The following TASOR2 variants were observed in gnomAD, a reference collection of about 807,000 sequenced individuals.
TASOR2 encodes transcription activation suppressor family member 2.
In TASOR2, 84 loss-of-function variants were observed where a neutral mutation model predicts 199.5. The observed-to-expected ratio is 0.42, with a 90% CI of 0.35 to 0.50. The LOEUF is 0.50. TASOR2 is among the 20% of genes least tolerant of loss of function. The probability of loss-of-function intolerance (pLI) is 0.02; values close to 1 mark genes in which losing one functional copy is unlikely to be tolerated. For missense variants in TASOR2, 2,796 were observed against 2,835.9 expected (o/e 0.99, Z 0.32); for synonymous variants, 1,103 against 1,046.6 (o/e 1.05, Z -1.04).
rs957207011 is a variant in TASOR2 at position 5,754,815 on chromosome 10, G to C, written c.6607-1798G>C. Among the ~76,000 whole-genome samples, 2 of 150,960 alleles carry C rather than the reference G, an allele frequency of 1.3e-5. No individual in the cohort carries two copies. The highest frequency in any genetic ancestry group is 1.3e-4 in the Admixed American group (2 of 15,184). The stretch of plus-strand genomic sequence containing the variant: ...TCCCAGCACTTTGGGAGGCCGAGGT[G>C]GGCGGATCACAAGGTCAGGAGATTG... On this transcript the variant is annotated intron_variant, in intron 15 of 20. Coordinates refer to ENST00000328090, the Ensembl canonical transcript of TASOR2. This position sits in a 1 kb window ranked among gnomAD's most constrained non-coding sequence, Gnocchi z 4.3.
rs1838100827 is a variant in TASOR2 at position 5,751,972 on chromosome 10, C to G, written c.6606+1945C>G. ...ACTCTGTTTATCCTCAGTGTTTTGA[C>G]TTATTGTCCCTCCCAAGTCCCCCTC... On this transcript the variant is annotated intron_variant, in intron 15 of 20. Transcript: ENST00000328090. The surrounding 1 kb of genome is among the most constrained non-coding windows in gnomAD (Gnocchi z 5.3). 6.6e-6 allele frequency among the ~76,000 whole-genome samples: 1 copy of G among 152,060 alleles called. No individual in the cohort carries two copies. The highest frequency in any genetic ancestry group is 1.9e-4 in the East Asian group (1 of 5,188).
chr10:5,712,900 G>C, exon 2 of TASOR2: 1 of 1,230,338 alleles, frequency 8.1e-7, no homozygotes, highest in Non-Finnish European at 1.0e-6. Flanking sequence ...GGTTTCTTCT[G>C]TTTGATACTG....
At chr10:5,693,420 G>A (rs1177276078) in intron 1 of TASOR2, among the ~76,000 whole-genome samples, 2 of 152,166 alleles carry the variant, frequency 1.3e-5, no homozygotes, top group Non-Finnish European at 1.5e-5. Context: ...ACTCGTATGT[G>A]GCAAGAAATT....
intron 1 of TASOR2, chr10:5,712,237 C>A: frequency 2.3e-6 from 1 of 438,480 alleles, no homozygotes; most frequent in Non-Finnish European, 3.7e-6. Flanking sequence ...ATTTTCTTTA[C>A]ATCAGAGGTC....
At chr10:5,734,023 C>T (rs1265666932) in intron 11 of TASOR2, among the ~76,000 whole-genome samples, 2 of 152,198 alleles carry the variant, frequency 1.3e-5, no homozygotes, top group Non-Finnish European at 2.9e-5. Context: ...TTTTCTCCTA[C>T]ATTTCACTAA....
At chr10:5,718,034 G>A (rs1466358045) in intron 3 of TASOR2, among the ~76,000 whole-genome samples, 1 of 152,126 alleles carries the variant, frequency 6.6e-6, no homozygotes, top group East Asian at 1.9e-4. Context: ...GAGAAAACAA[G>A]TAGCTGCTTA....
In TASOR2 at chr10:5,699,074, A is replaced by G. The variant is rs373753999; in HGVS notation, c.-287-13749A>G. 1.3e-5 allele frequency among the ~76,000 whole-genome samples: 2 copies of G among 152,372 alleles called. No homozygotes were observed. Among genetic ancestry groups the G allele is most frequent in the East Asian group, 3.8e-4 (2 of 5,196 alleles). On this transcript the variant is annotated intron_variant, in intron 1 of 20. Coordinates refer to ENST00000328090, the Ensembl canonical transcript of TASOR2. This position sits in a 1 kb window ranked among gnomAD's most constrained non-coding sequence, Gnocchi z 4.1. ...TTCATAATAGCCAAAATGTAGAAAC[A>G]ACCCAAATGTGCATCAGTTGATGGA...
chr10:5,717,087 G>T (rs1472197686), intron 2 of TASOR2, among the ~76,000 whole-genome samples: 1 of 149,460 alleles, frequency 6.7e-6, no homozygotes, highest in East Asian at 2.0e-4. Context: ...TTTCATTGCT[G>T]ATGTTTGAGA....
chr10:5,760,317 T>A (rs889896875), intron 18 of TASOR2, among the ~76,000 whole-genome samples: 4 of 152,228 alleles, frequency 2.6e-5, no homozygotes, highest in Non-Finnish European at 5.9e-5. Flanking sequence ...ATGTGGTACA[T>A]GCCCGTACTC....
chr10:5,723,432 TTGTC>T (rs1272838905), intron 6 of TASOR2, among the ~76,000 whole-genome samples: 4 of 152,120 alleles, frequency 2.6e-5, no homozygotes, highest in Non-Finnish European at 5.9e-5. Flanking sequence ...TCTAGATACT[TTGTC>T]TGTACTGAAA....
chr10:5,713,755 C>T (rs1190472584), intron 2 of TASOR2: 2 of 153,858 alleles, frequency 1.3e-5, no homozygotes, highest in African/African-American at 4.8e-5. Context: ...TACCTGTGAC[C>T]CTGCTTAGTT....
At position 5,738,842 on chromosome 10, in the gene TASOR2, A is replaced by T. The variant is rs1039795018; in HGVS notation, c.1448-776A>T. On this transcript the variant is annotated intron_variant, in intron 12 of 20. Transcript: ENST00000328090. This position sits in a 1 kb window ranked among gnomAD's most constrained non-coding sequence, Gnocchi z 4.7. ...AAGGAATAATGAATACGTTGAAAAT[A>T]CCAAGGGAAACCACTGGCAAATGTA... 6.6e-6 allele frequency among the ~76,000 whole-genome samples: 1 copy of T among 152,208 alleles called. No individual in the cohort carries two copies. The highest frequency in any genetic ancestry group is 2.1e-4 in the South Asian group (1 of 4,830).
chr10:5,736,646 A>G (rs1338402930), intron 12 of TASOR2, among the ~76,000 whole-genome samples: 1 of 152,214 alleles, frequency 6.6e-6, no homozygotes, highest in East Asian at 1.9e-4. Context: ...GTTTAGTCAC[A>G]TGAACTGCTC....
chr10:5,707,429 G>A (rs993510731), intron 1 of TASOR2, among the ~76,000 whole-genome samples: 2 of 152,108 alleles, frequency 1.3e-5, no homozygotes, highest in Admixed American at 6.5e-5. Flanking sequence ...TATGTTGGCT[G>A]CCATCTTGGT....
At position 5,762,941 on chromosome 10, in the gene TASOR2, C is replaced by T. The variant is rs191798227; in HGVS notation, c.7290-88C>T. 24 of 1,228,018 alleles carry T rather than the reference C, an allele frequency of 2.0e-5. 1 individual carries two copies. The South Asian group carries it at 2.8e-4, about 14-fold the overall frequency. 76.1% of individuals were successfully genotyped at this position (1,228,018 alleles called of 1,614,324 possible). On this transcript the variant is annotated intron_variant, in intron 20 of 20. Transcript: ENST00000328090. Reference sequence around the variant, plus strand: ...ATAATGTAACCTTAGAATGCATAGGCGTTTTCCCCATTAGAGCATCCCGCT... The same window carrying T: ...ATAATGTAACCTTAGAATGCATAGGTGTTTTCCCCATTAGAGCATCCCGCT...
In TASOR2 at chr10:5,752,611, C is replaced by T. The variant is rs374690158; in HGVS notation, c.6606+2584C>T. Among the ~76,000 whole-genome samples, 5 of 152,340 alleles carry T rather than the reference C, an allele frequency of 3.3e-5. No individual in the cohort carries two copies. Among genetic ancestry groups the T allele is most frequent in the African/African-American group, 9.6e-5 (4 of 41,576 alleles). On this transcript the variant is annotated intron_variant, in intron 15 of 20. Coordinates refer to ENST00000328090, the Ensembl canonical transcript of TASOR2. This position sits in a 1 kb window ranked among gnomAD's most constrained non-coding sequence, Gnocchi z 4.4. Reference sequence around the variant, plus strand: ...ACGAGTTACTTAGTAATGAAGGACACGTGTCCCTTATTGTCACAGTGTCCC... The same window carrying T: ...ACGAGTTACTTAGTAATGAAGGACATGTGTCCCTTATTGTCACAGTGTCCC...
chr10:5,712,548 C>T (rs1832055249), intron 1 of TASOR2: 4 of 1,231,232 alleles, frequency 3.2e-6, no homozygotes, highest in Admixed American at 4.2e-5. Flanking sequence ...AGGTGAGGTG[C>T]TTGGTACACA....
Position 5,749,410 on chromosome 10 carries a change from C to T in TASOR2, c.5989C>T (p.His1997Tyr), listed in dbSNP as rs1171971573. The change falls in exon 15 of 21, where the codon CAT becomes TAT. Residue 1997 changes from histidine to tyrosine, a missense_variant. This residue lies in a region of TASOR2 where 1,941 missense variants were observed against 1,924.9 expected (regional missense o/e 1.01). Transcript: ENST00000328090. Reference sequence around the variant, plus strand: ...GACCATAAAGAATGGGGATTCTCAGCATTCTGCCTCCTCTGCCAATGTCTT... The same window carrying T: ...GACCATAAAGAATGGGGATTCTCAGTATTCTGCCTCCTCTGCCAATGTCTT... 1.9e-6 allele frequency: 3 copies of T among 1,614,114 alleles called. No individual in the cohort carries two copies. The African/African-American group carries it at 4.0e-5, about 22-fold the overall frequency.
exon 15 of TASOR2, chr10:5,747,610 G>A (rs1255636238): frequency 1.2e-6 from 2 of 1,614,170 alleles, no homozygotes. Flanking sequence ...TTCTGTAATT[G>A]AAGAAGTATC....
Sources: allele counts gnomAD v4.1 joint callset (sites outside exome capture counted in the v4.1 genomes callset), GRCh38; gene constraint gnomAD v4.1.1; regional missense constraint gnomAD v4.1.1; non-coding constraint Gnocchi (gnomAD v3.1); transcripts MANE v1.5; gene names NCBI Gene and HGNC (gene_info 2026-07-23, HGNC 2026-07-21).